Variants in AUTS2 observed in about 807,000 individuals in gnomAD.
AUTS2 encodes autism susceptibility gene 2 protein.
AUTS2 carries 17 observed loss-of-function variants against 112.4 expected under a neutral mutation model. The ratio of observed to expected loss-of-function variants is 0.15; its 90% CI spans 0.10 to 0.23. The LOEUF is 0.23. Ranked by LOEUF, AUTS2 falls within the 10% of genes least tolerant of loss-of-function variation. The pLI is 1.00. For missense variants in AUTS2, 1,510 were observed against 1,701.6 expected, an observed-to-expected ratio of 0.89 and a Z score of 1.98; for synonymous variants, 751 against 702.7, an observed-to-expected ratio of 1.07 and a Z score of -1.09.
chr7:70,504,467 G>A (rs11768987), intron 5 of AUTS2, among the ~76,000 whole-genome samples: 10 of 152,076 alleles, frequency 6.6e-5, no homozygotes, highest in African/African-American at 9.7e-5. Flanking sequence ...ATGAGGAGTC[G>A]ACAGCAAAAT....
intron 2 of AUTS2, among the ~76,000 whole-genome samples, chr7:70,110,096 G>C (rs534698711): frequency 6.6e-6 from 1 of 152,326 alleles, no homozygotes; most frequent in Non-Finnish European, 1.5e-5. Flanking sequence ...AAGTTCTGCT[G>C]TCTGGATTGA....
At chr7:70,767,622 A>G (rs1316266015) in intron 9 of AUTS2, among the ~76,000 whole-genome samples, 1 of 152,224 alleles carries the variant, frequency 6.6e-6, no homozygotes, top group African/African-American at 2.4e-5. Context: ...AGACAGCTGC[A>G]TGGCAAGACA....
intron 4 of AUTS2, among the ~76,000 whole-genome samples, chr7:70,189,409 G>T (rs1422954637): frequency 2.6e-5 from 4 of 152,214 alleles, no homozygotes; most frequent in African/African-American, 4.8e-5. Context: ...AAGGATTCTT[G>T]TGTAGGATTA....
intron 1 of AUTS2, among the ~76,000 whole-genome samples, chr7:69,734,029 G>A (rs1786919969): frequency 6.6e-6 from 1 of 152,132 alleles, no homozygotes; most frequent in Non-Finnish European, 1.5e-5. Flanking sequence ...CTGAGGCAAA[G>A]CTGGTAAGAA....
At chr7:69,844,260 T>A (rs1453245432) in intron 1 of AUTS2, among the ~76,000 whole-genome samples, 1 of 152,210 alleles carries the variant, frequency 6.6e-6, no homozygotes, top group Non-Finnish European at 1.5e-5. Flanking sequence ...CTTTCCTTTT[T>A]ATTATATTGC....
At chr7:69,655,175 A>G (rs1221706634) in intron 1 of AUTS2, among the ~76,000 whole-genome samples, 1 of 152,198 alleles carries the variant, frequency 6.6e-6, no homozygotes, top group East Asian at 1.9e-4. Flanking sequence ...TAATACAGAC[A>G]TGAAGCAAAT....
chr7:70,787,601 C>T (rs552243083), intron 18 of AUTS2, among the ~76,000 whole-genome samples, 170 bp downstream of exon 18: 3 of 152,230 alleles, frequency 2.0e-5, no homozygotes, highest in South Asian at 2.1e-4. Flanking sequence ...CCCCATGGCC[C>T]ATAGCATATG....
chr7:69,729,040 G>A (rs1183471115), intron 1 of AUTS2, among the ~76,000 whole-genome samples: 1 of 152,118 alleles, frequency 6.6e-6, no homozygotes. Context: ...TGTGTCACAT[G>A]TTGGTTGTAC....
intron 2 of AUTS2, among the ~76,000 whole-genome samples, chr7:69,927,192 A>G (rs1021983794): frequency 6.8e-6 from 1 of 147,554 alleles, no homozygotes; most frequent in Admixed American, 6.8e-5. Flanking sequence ...ATATTTATAT[A>G]TATATATATA....
intron 6 of AUTS2, among the ~76,000 whole-genome samples, chr7:70,730,076 G>A (rs528392661): frequency 2.4e-4 from 36 of 152,244 alleles, no homozygotes; most frequent in Non-Finnish European, 4.3e-4. Context: ...TAGAGATGGA[G>A]TTTCACTCTG....
At chr7:70,251,330 T>C (rs1026941135) in intron 4 of AUTS2, among the ~76,000 whole-genome samples, 5 of 152,174 alleles carry the variant, frequency 3.3e-5, no homozygotes, top group African/African-American at 1.2e-4. Context: ...TCCAAAGTGC[T>C]GGGATTACAG....
chr7:70,664,744 G>C (rs533626722), intron 5 of AUTS2, among the ~76,000 whole-genome samples: 1 of 152,110 alleles, frequency 6.6e-6, no homozygotes, highest in African/African-American at 2.4e-5. Context: ...CCAGTAGTAA[G>C]GCCTAGCCAA....
chr7:70,013,902 A>G (rs1400254380), intron 2 of AUTS2, among the ~76,000 whole-genome samples: 1 of 151,892 alleles, frequency 6.6e-6, no homozygotes, highest in Non-Finnish European at 1.5e-5. Flanking sequence ...TATTTTAGTA[A>G]TGATGGATTT....
chr7:70,027,128 G>A (rs1393127796), intron 2 of AUTS2, among the ~76,000 whole-genome samples: 1 of 152,120 alleles, frequency 6.6e-6, no homozygotes, highest in Non-Finnish European at 1.5e-5. Context: ...CTAAGGTCAG[G>A]TGTATCAGAT....
chr7:69,783,568 C>T (rs1789238828), intron 1 of AUTS2, among the ~76,000 whole-genome samples: 1 of 152,090 alleles, frequency 6.6e-6, no homozygotes, highest in Non-Finnish European at 1.5e-5. Context: ...TTGCCCTCCC[C>T]TTCTCTTCTC....
At chr7:70,095,193 T>C (rs1415715346) in intron 2 of AUTS2, among the ~76,000 whole-genome samples, 1 of 152,226 alleles carries the variant, frequency 6.6e-6, no homozygotes, top group Admixed American at 6.5e-5. Flanking sequence ...AGATATTTTT[T>C]AATGATTTCA....
intron 1 of AUTS2, among the ~76,000 whole-genome samples, chr7:69,740,907 C>G (rs1221160340): frequency 6.6e-6 from 1 of 152,030 alleles, no homozygotes; most frequent in Non-Finnish European, 1.5e-5. Context: ...AGCTTTTGCC[C>G]AGGGATTGTT....
intron 6 of AUTS2, among the ~76,000 whole-genome samples, chr7:70,713,677 G>C (rs544009685): frequency 6.6e-6 from 1 of 151,960 alleles, no homozygotes; most frequent in Admixed American, 6.6e-5. Flanking sequence ...GGCGGATCAC[G>C]AGGTCAGGAG....
chr7:70,170,335 A>G (rs1439285798), intron 4 of AUTS2, among the ~76,000 whole-genome samples: 1 of 151,616 alleles, frequency 6.6e-6, no homozygotes, highest in Non-Finnish European at 1.5e-5. Flanking sequence ...GTATTTTTGT[A>G]GTGTTGGGGC....
Sources: allele counts gnomAD v4.1 joint callset (sites outside exome capture counted in the v4.1 genomes callset), GRCh38; gene constraint gnomAD v4.1.1; transcripts MANE v1.5; gene names NCBI Gene and HGNC (gene_info 2026-07-23, HGNC 2026-07-21).